Variants in MYLK4 observed in about 807,000 individuals in gnomAD.
MYLK4 encodes myosin light chain kinase family member 4.
Under a neutral mutation model 48.1 loss-of-function variants are expected in MYLK4, and 46 were observed. That is an observed-to-expected ratio of 0.96 (90% CI 0.75 to 1.22). MYLK4 has a LOEUF of 1.22. Ranked by LOEUF, MYLK4 falls within the 50% of genes most tolerant of loss-of-function variation. The probability of loss-of-function intolerance (pLI) is 0.00; values close to 1 mark genes in which losing one functional copy is unlikely to be tolerated. For synonymous variants in MYLK4, 170 were observed against 180.8 expected (o/e 0.94, Z 0.48); for missense variants, 451 against 486.1 (o/e 0.93, Z 0.68).
rs114255275 is a variant in MYLK4, at chr6:2,739,301, C to T, written c.159+9835G>A. On this transcript the variant is annotated intron_variant, in intron 2 of 12. Coordinates refer to ENST00000274643, the MANE Select transcript of MYLK4 (RefSeq NM_001012418.5). ...GCAGTGGTGGCTCAGTAATGATTTG[C>T]TGAGTAAATTAATACAGAATCTAGG... Among the ~76,000 whole-genome samples the T allele has an allele frequency of 4.5e-3, 689 of 152,270 alleles. 8 individuals are homozygous for T. Among genetic ancestry groups the T allele is most frequent in the Middle Eastern group, 0.017 (5 of 294 alleles).
At chr6:2,687,366 C>T (rs1387987005) in intron 4 of MYLK4, among the ~76,000 whole-genome samples, 4 of 152,154 alleles carry the variant, frequency 2.6e-5, no homozygotes, top group African/African-American at 9.7e-5. Context: ...AAGCCCATAA[C>T]GAGAGCTGAC....
intron 2 of MYLK4, among the ~76,000 whole-genome samples, chr6:2,693,265 A>G (rs1221037234): frequency 6.6e-6 from 1 of 152,214 alleles, no homozygotes; most frequent in African/African-American, 2.4e-5. Context: ...TCATTATGGG[A>G]AAAAGCCCAT....
At chr6:2,671,099 T>A (rs183988380) in intron 12 of MYLK4, among the ~76,000 whole-genome samples, 177 bp downstream of exon 12, 17 of 152,244 alleles carry the variant, frequency 1.1e-4, no homozygotes, top group Middle Eastern at 3.4e-3. Flanking sequence ...CTGAGCTTCC[T>A]CCAGTAAGAA....
the MYLK4 span, chr6:2,770,122 C>A: frequency 2.5e-6 from 4 of 1,614,228 alleles, no homozygotes; most frequent in Non-Finnish European, 2.5e-6. Context: ...ATGATTAGGA[C>A]ACTTTCCTTC....
At chr6:2,747,850 C>G (rs980577990) in intron 2 of MYLK4, among the ~76,000 whole-genome samples, 1 of 152,206 alleles carries the variant, frequency 6.6e-6, no homozygotes, top group East Asian at 1.9e-4. Context: ...GTTTGTACCA[C>G]TGAAAACCCT....
At chr6:2,767,187 T>C in the MYLK4 span, among the ~76,000 whole-genome samples, 1,979 of 152,322 alleles carry the variant, frequency 0.013, 30 homozygotes, top group South Asian at 0.061. Flanking sequence ...AGTTAGGATA[T>C]TGTGAGTCTA....
chr6:2,743,870 G>C (rs1478961514), intron 2 of MYLK4: 2 of 398,476 alleles, frequency 5.0e-6, no homozygotes, highest in Non-Finnish European at 8.8e-6. Flanking sequence ...AAATGAATCT[G>C]TCTTAGATAA....
intron 2 of MYLK4, among the ~76,000 whole-genome samples, chr6:2,702,800 A>T (rs1762338525): frequency 6.6e-6 from 1 of 152,168 alleles, no homozygotes; most frequent in Admixed American, 6.5e-5. Flanking sequence ...AAATAAATTA[A>T]TTAAAAATGT....
At position 2,685,431 on chromosome 6, in the gene MYLK4, G is replaced by T; in HGVS notation, c.436-26C>A. 1 of 1,590,050 alleles carries T rather than the reference G, an allele frequency of 6.3e-7. No individual in the cohort carries two copies. ...CTGAGAAGCAGGAAACAGTGCATTAGTGTGGTCAAGATGGGGCGGGGAGGG... is the reference window on the plus strand; with the variant it reads ...CTGAGAAGCAGGAAACAGTGCATTATTGTGGTCAAGATGGGGCGGGGAGGG... On this transcript the variant is annotated intron_variant, in intron 5 of 12. Transcript: ENST00000274643. The surrounding 1 kb of genome is among the most constrained non-coding windows in gnomAD (Gnocchi z 4.5).
intron 7 of MYLK4, among the ~76,000 whole-genome samples, chr6:2,682,781 T>C (rs1407849182): frequency 6.6e-6 from 1 of 152,194 alleles, no homozygotes; most frequent in Non-Finnish European, 1.5e-5. Context: ...ACCATTGCCA[T>C]ATAGATTTCC....
At chr6:2,758,771 G>A in the MYLK4 span, among the ~76,000 whole-genome samples, 2 of 152,208 alleles carry the variant, frequency 1.3e-5, no homozygotes, top group African/African-American at 4.8e-5. Context: ...AGTTAAAACT[G>A]TCTGTAACCC....
At chr6:2,690,890 C>T (rs113056782) in intron 3 of MYLK4, among the ~76,000 whole-genome samples, 3,315 of 132,866 alleles carry the variant, frequency 0.025, 131 homozygotes, top group African/African-American at 0.091. Context: ...AGTGCAGTGG[C>T]GCGATCTCGG....
intron 3 of MYLK4, among the ~76,000 whole-genome samples, chr6:2,691,138 T>C (rs1761781633): frequency 6.6e-6 from 1 of 152,224 alleles, no homozygotes; most frequent in Non-Finnish European, 1.5e-5. Context: ...CCAATCTCTC[T>C]GAATCTTAAC....
chr6:2,749,370 G>T lies in MYLK4; in HGVS notation c.-76C>A. The stretch of plus-strand genomic sequence containing the variant: ...CCTCTGTCTCCGATTTATAAATCAG[G>T]ACACAATTATGACTCTTCAGTGCTT... On this transcript the variant is annotated 5_prime_UTR_variant, in exon 2 of 13. Coordinates refer to ENST00000274643, the MANE Select transcript of MYLK4 (RefSeq NM_001012418.5). The T allele has an allele frequency of 2.4e-6, 3 of 1,233,902 alleles. No individual in the cohort carries two copies. Among genetic ancestry groups the T allele is most frequent in the African/African-American group, 3.0e-5 (2 of 66,608 alleles). 76.4% of individuals were successfully genotyped at this position (1,233,902 alleles called of 1,614,324 possible).
chr6:2,714,948 G>A (rs1222796731), intron 2 of MYLK4, among the ~76,000 whole-genome samples: 2 of 152,162 alleles, frequency 1.3e-5, no homozygotes, highest in African/African-American at 4.8e-5. Context: ...CTGGGGTCAG[G>A]GAATGGGAAG....
intron 2 of MYLK4, among the ~76,000 whole-genome samples, chr6:2,727,784 T>C (rs1763328440): frequency 6.6e-6 from 1 of 151,910 alleles, no homozygotes; most frequent in Non-Finnish European, 1.5e-5. Context: ...CCGTTTCTAC[T>C]AAAAAGACAA....
At chr6:2,765,462 G>A in the MYLK4 span, 1,142 of 878,132 alleles carry the variant, frequency 1.3e-3, 4 homozygotes, top group Non-Finnish European at 1.6e-3. Flanking sequence ...GGGAGCTGCG[G>A]ACGTGAGGCA....
intron 2 of MYLK4, among the ~76,000 whole-genome samples, chr6:2,711,643 A>C (rs1762677261): frequency 6.6e-6 from 1 of 152,236 alleles, no homozygotes; most frequent in Non-Finnish European, 1.5e-5. Flanking sequence ...AAGGACCACG[A>C]CCTCACAGCA....
At chr6:2,763,781 G>A in the MYLK4 span, among the ~76,000 whole-genome samples, 16,340 of 152,180 alleles carry the variant, frequency 0.11, 930 homozygotes, top group Non-Finnish European at 0.12. Flanking sequence ...CAGAGGAGGC[G>A]CTGAGAGCGA....
Sources: gnomAD v4.1 joint callset for allele counts (sites outside exome capture counted in the v4.1 genomes callset) on GRCh38, gnomAD v4.1.1 for gene constraint, Gnocchi (gnomAD v3.1) non-coding constraint, MANE v1.5 for transcripts, NCBI Gene and HGNC (gene_info 2026-07-23, HGNC 2026-07-21) for gene names.